The following DNAH12 variants were observed in gnomAD, a reference collection of about 807,000 sequenced individuals.
DNAH12 encodes the protein dynein axonemal heavy chain 12.
A neutral mutation model predicts 371.5 loss-of-function variants in DNAH12; 285 were observed. The observed-to-expected ratio is 0.77, with a 90% CI of 0.70 to 0.85. The LOEUF (loss-of-function observed/expected upper bound fraction) is 0.85. Among genes scored for constraint, DNAH12 ranks in the 40% least tolerant of loss-of-function variants. The probability of loss-of-function intolerance (pLI) is 0.00; values close to 1 mark genes in which losing one functional copy is unlikely to be tolerated. For missense variants in DNAH12, 3,611 were observed against 3,689.4 expected (o/e 0.98, Z 0.55); for synonymous variants, 1,200 against 1,213.0 (o/e 0.99, Z 0.22).
Position 57,542,074 on chromosome 3 carries a change from G to T in DNAH12, c.170+627C>A, listed in dbSNP as rs2069309185. On this transcript the variant is annotated intron_variant, in intron 2 of 73. Coordinates refer to ENST00000495027, the MANE Select transcript of DNAH12 (RefSeq NM_001366028.2). ...GAATCGGCTGTCTAGGAAATTCTCA[G>T]TAACTGTCTAATTGAACTGAACCAA... Among the ~76,000 whole-genome samples the T allele has an allele frequency of 2.1e-5, 3 of 140,694 alleles. No individual in the cohort carries two copies. In the South Asian group the frequency reaches 6.9e-4, roughly 32 times the overall value. The allele number at this position is 140,694 out of a possible 152,430, so 92.3% of individuals were successfully genotyped here.
chr3:57,521,402 C>T (rs1199991743), intron 4 of DNAH12, among the ~76,000 whole-genome samples: 1 of 151,916 alleles, frequency 6.6e-6, no homozygotes, highest in East Asian at 1.9e-4. Flanking sequence ...GTGGCATGCT[C>T]TTGTAGTCCC....
At chr3:57,527,464 G>T (rs2068689474) in intron 2 of DNAH12, among the ~76,000 whole-genome samples, 1 of 152,186 alleles carries the variant, frequency 6.6e-6, no homozygotes, top group South Asian at 2.1e-4. Flanking sequence ...CTGCTGTTGG[G>T]GAGGCCTCAG....
intron 44 of DNAH12, among the ~76,000 whole-genome samples, chr3:57,392,459 G>T (rs1321105325): frequency 3.3e-5 from 5 of 152,112 alleles, no homozygotes; most frequent in African/African-American, 1.2e-4. Context: ...ATAAATTGGT[G>T]TCTCATGCCT....
chr3:57,466,562 T>C (rs2066208735), intron 17 of DNAH12, among the ~76,000 whole-genome samples: 1 of 152,120 alleles, frequency 6.6e-6, no homozygotes, highest in South Asian at 2.1e-4. Flanking sequence ...AAAAAACTGT[T>C]CTTATTCTCT....
intron 65 of DNAH12, among the ~76,000 whole-genome samples, chr3:57,320,262 A>G (rs566119264): frequency 3.3e-5 from 5 of 152,314 alleles, no homozygotes; most frequent in Admixed American, 2.0e-4. Flanking sequence ...ATGTTTTTAT[A>G]TATGTTCATT....
chr3:57,468,292 T>C (rs2066263350), intron 17 of DNAH12, among the ~76,000 whole-genome samples: 1 of 152,160 alleles, frequency 6.6e-6, no homozygotes, highest in East Asian at 1.9e-4. Flanking sequence ...GCTATGACTA[T>C]GCCACTGCAC....
chr3:57,491,658 G>T (rs2067128622), intron 11 of DNAH12, among the ~76,000 whole-genome samples: 2 of 151,948 alleles, frequency 1.3e-5, no homozygotes, highest in African/African-American at 2.4e-5. Context: ...TATAAGCCAG[G>T]CATGATGGCT....
intron 11 of DNAH12, among the ~76,000 whole-genome samples, chr3:57,494,229 C>T (rs2067230103): frequency 6.6e-6 from 1 of 151,970 alleles, no homozygotes; most frequent in Non-Finnish European, 1.5e-5. Context: ...GAGACCCTGT[C>T]TTAAAAACAA....
chr3:57,542,651 T>C (rs1398831694), intron 2 of DNAH12, 50 bp downstream of exon 2: 4 of 1,533,274 alleles, frequency 2.6e-6, no homozygotes, highest in Middle Eastern at 4.0e-4. Context: ...TGAACACTAA[T>C]CATTTTACTT....
intron 69 of DNAH12, among the ~76,000 whole-genome samples, chr3:57,307,770 T>C (rs183456514): frequency 1.9e-3 from 285 of 152,240 alleles, no homozygotes; most frequent in Admixed American, 3.1e-3. Flanking sequence ...CTGACCCCCA[T>C]AACTGTATCT....
At chr3:57,550,100 G>GA in the DNAH12 span, among the ~76,000 whole-genome samples, 2 of 152,048 alleles carry the variant, frequency 1.3e-5, no homozygotes, top group Admixed American at 1.3e-4. Flanking sequence ...CTTGAGGCCA[G>GA]GAGTGCAAGA....
intron 70 of DNAH12, among the ~76,000 whole-genome samples, chr3:57,300,406 AC>A (rs1056054108): frequency 1.3e-5 from 2 of 152,186 alleles, no homozygotes; most frequent in Non-Finnish European, 2.9e-5. Context: ...AATGGAGGAA[AC>A]CCTTTCAATA....
intron 45 of DNAH12, among the ~76,000 whole-genome samples, chr3:57,391,538 T>C (rs2063623575): frequency 6.6e-6 from 1 of 152,212 alleles, no homozygotes; most frequent in African/African-American, 2.4e-5. Context: ...AATTTCCTAT[T>C]GATTCCTAAT....
intron 69 of DNAH12, 57 bp from the exon 70 acceptor site, chr3:57,301,996 T>G: frequency 6.7e-7 from 1 of 1,502,044 alleles, no homozygotes; most frequent in Non-Finnish European, 9.0e-7. Context: ...ATACGGTCTT[T>G]CCAGAAGAAG....
chr3:57,538,669 C>A (rs1223828535), intron 2 of DNAH12, among the ~76,000 whole-genome samples: 4 of 152,216 alleles, frequency 2.6e-5, no homozygotes, highest in African/African-American at 9.6e-5. Context: ...GCACATCTAA[C>A]CTTTTGCCCT....
chr3:57,397,524 T>C (rs2063769904), intron 43 of DNAH12, among the ~76,000 whole-genome samples: 1 of 152,116 alleles, frequency 6.6e-6, no homozygotes, highest in Non-Finnish European at 1.5e-5. Context: ...ATGGCCAATT[T>C]TGGACACCAG....
chr3:57,436,798 C>T (rs2065140012), intron 30 of DNAH12, among the ~76,000 whole-genome samples, 153 bp downstream of exon 30: 1 of 151,940 alleles, frequency 6.6e-6, no homozygotes, highest in African/African-American at 2.4e-5. Context: ...AGAAATAAAC[C>T]TTTGCCTTTT....
chr3:57,426,756 C>T (rs939456272), intron 34 of DNAH12, among the ~76,000 whole-genome samples: 5 of 147,332 alleles, frequency 3.4e-5, no homozygotes, highest in Admixed American at 7.0e-5. Context: ...GGCTGAGGCA[C>T]GAGAATCACT....
At chr3:57,425,381 AG>A (rs2064733892) in intron 34 of DNAH12, among the ~76,000 whole-genome samples, 1 of 151,506 alleles carries the variant, frequency 6.6e-6, no homozygotes, top group Admixed American at 6.6e-5. Context: ...TCAAGTAGTT[AG>A]GACTATAGGT....
Sources: gnomAD v4.1 joint callset for allele counts (sites outside exome capture counted in the v4.1 genomes callset) on GRCh38, gnomAD v4.1.1 for gene constraint, MANE v1.5 for transcripts, NCBI Gene and HGNC (gene_info 2026-07-23, HGNC 2026-07-21) for gene names.